Variants in ERC2 observed in about 807,000 individuals in gnomAD.
ERC2 encodes the protein ERC protein 2.
Under a neutral mutation model 114.8 loss-of-function variants are expected in ERC2, and 42 were observed. The observed-to-expected ratio is 0.37, with a 90% CI of 0.29 to 0.47. The LOEUF is 0.47. Ranked by LOEUF, ERC2 falls within the 20% of genes least tolerant of loss-of-function variation. The pLI, the probability that ERC2 is intolerant of heterozygous loss-of-function variation, is 0.99. For missense variants in ERC2, 939 were observed against 1,150.7 expected (o/e 0.82, Z 2.66); for synonymous variants, 454 against 425.5 (o/e 1.07, Z -0.82).
chr3:55,941,995 C>T lies in ERC2; in HGVS notation c.2403+8430G>A, dbSNP rs181280231. Reference sequence around the variant, plus strand: ...AACTAATTTTATATAATTTTAGATGCTCAATCTAATACCCAATGCTGAGGG... The same window carrying T: ...AACTAATTTTATATAATTTTAGATGTTCAATCTAATACCCAATGCTGAGGG... On this transcript the variant is annotated intron_variant, in intron 13 of 17. Transcript: ENST00000288221. Among the ~76,000 whole-genome samples, 773 of 152,260 alleles carry T rather than the reference C, an allele frequency of 5.1e-3. 5 individuals are homozygous for T. The highest frequency in any genetic ancestry group is 6.8e-3 in the Middle Eastern group (2 of 294).
At chr3:55,607,234 A>G (rs2058677501) in intron 17 of ERC2, among the ~76,000 whole-genome samples, 1 of 152,182 alleles carries the variant, frequency 6.6e-6, no homozygotes, top group South Asian at 2.1e-4. Flanking sequence ...GACAGCGGGT[A>G]AGGAAACCTA....
chr3:56,460,849 G>C (rs762233627), intron 1 of ERC2, among the ~76,000 whole-genome samples: 12 of 152,044 alleles, frequency 7.9e-5, no homozygotes, highest in Non-Finnish European at 1.6e-4. Flanking sequence ...GGCCTAGCGT[G>C]GTGGCTCACG....
chr3:56,285,110 C>T (rs1000590071), intron 3 of ERC2, among the ~76,000 whole-genome samples: 1 of 141,040 alleles, frequency 7.1e-6, no homozygotes, highest in Non-Finnish European at 1.5e-5. Context: ...CCCATCCCTA[C>T]CTCCCCCCAG....
intron 12 of ERC2, among the ~76,000 whole-genome samples, chr3:55,954,732 C>T (rs552968992): frequency 2.6e-5 from 4 of 152,096 alleles, no homozygotes; most frequent in Non-Finnish European, 4.4e-5. Context: ...GTATAATTAA[C>T]GAAAGTATTT....
At chr3:56,337,423 A>C (rs1411625735) in intron 2 of ERC2, among the ~76,000 whole-genome samples, 1 of 152,210 alleles carries the variant, frequency 6.6e-6, no homozygotes, top group African/African-American at 2.4e-5. Flanking sequence ...TGGGGTATGT[A>C]ACCGTAAGTA....
chr3:55,953,970 G>A lies in ERC2; in HGVS notation c.2268-3410C>T, dbSNP rs1030032006. Among the ~76,000 whole-genome samples, 15 of 151,108 alleles carry A rather than the reference G, an allele frequency of 9.9e-5. 1 individual carries two copies. The highest frequency in any genetic ancestry group is 8.4e-4 in the South Asian group (4 of 4,788). On this transcript the variant is annotated intron_variant, in intron 12 of 17. Coordinates refer to ENST00000288221, the MANE Select transcript of ERC2 (RefSeq NM_015576.3). ...AATCTAGAAGGTAAGGCCCCTGGTCGTGGAGACTGCAATGCCTTCTTACTA... is the reference window on the plus strand; with the variant it reads ...AATCTAGAAGGTAAGGCCCCTGGTCATGGAGACTGCAATGCCTTCTTACTA...
chr3:55,595,941 T>C (rs559361645), intron 17 of ERC2, among the ~76,000 whole-genome samples: 27 of 152,316 alleles, frequency 1.8e-4, no homozygotes, highest in Non-Finnish European at 3.2e-4. Flanking sequence ...CACTTTCATT[T>C]ACACCTCACC....
chr3:56,285,826 G>A (rs1284519509), intron 3 of ERC2, among the ~76,000 whole-genome samples: 1 of 152,170 alleles, frequency 6.6e-6, no homozygotes, highest in East Asian at 1.9e-4. Flanking sequence ...TAATTGTGTA[G>A]GGCTAAAAAG....
intron 7 of ERC2, among the ~76,000 whole-genome samples, chr3:56,071,768 T>C (rs1035412509): frequency 2.0e-5 from 3 of 152,172 alleles, no homozygotes; most frequent in South Asian, 2.1e-4. Flanking sequence ...AGAAAAGCAA[T>C]GTATACAAAG....
At chr3:56,340,537 A>AATGT (rs1437422621) in intron 2 of ERC2, among the ~76,000 whole-genome samples, 22 of 74,154 alleles carry the variant, frequency 3.0e-4, no homozygotes, top group African/African-American at 6.7e-4. Context: ...AGAGAGAGAG[A>AATGT]GTGAATGTGT....
At chr3:55,935,758 CCT>C (rs1167595883) in intron 13 of ERC2, among the ~76,000 whole-genome samples, 1 of 152,128 alleles carries the variant, frequency 6.6e-6, no homozygotes, top group African/African-American at 2.4e-5. Context: ...AATTAGGTTT[CCT>C]CTGGCCCCTT....
chr3:56,134,513 G>A (rs1279300728), intron 6 of ERC2, among the ~76,000 whole-genome samples: 1 of 152,136 alleles, frequency 6.6e-6, no homozygotes, highest in Admixed American at 6.5e-5. Flanking sequence ...TAAACTACCT[G>A]AAATTATATA....
At chr3:55,725,782 G>C (rs1194280874) in intron 15 of ERC2, among the ~76,000 whole-genome samples, 2 of 152,228 alleles carry the variant, frequency 1.3e-5, no homozygotes, top group African/African-American at 4.8e-5. Flanking sequence ...TTCTGATAGG[G>C]ATTTGAAAAA....
chr3:55,918,999 CA>C (rs2065262957), intron 13 of ERC2, among the ~76,000 whole-genome samples: 1 of 151,974 alleles, frequency 6.6e-6, no homozygotes, highest in African/African-American at 2.4e-5. Context: ...GAGAAATGCT[CA>C]AGAATGTCCA....
chr3:55,981,132 C>T (rs2070102165), intron 12 of ERC2, among the ~76,000 whole-genome samples: 1 of 152,194 alleles, frequency 6.6e-6, no homozygotes, highest in Admixed American at 6.5e-5. Flanking sequence ...GGGTTCAAAA[C>T]CATTTCTAAA....
At chr3:56,102,533 T>C (rs970156521) in intron 6 of ERC2, among the ~76,000 whole-genome samples, 3 of 152,104 alleles carry the variant, frequency 2.0e-5, no homozygotes, top group African/African-American at 7.2e-5. Flanking sequence ...AGTTCAGCAA[T>C]GAGGAATATA....
Position 55,661,997 on chromosome 3 carries a change from A to G in ERC2, c.*39+21797T>C, listed in dbSNP as rs143277491. ...GGTATTTAAGAATTTAAATATTGCA[A>G]AGCTAAGGTTTTTATATATGAAGCT... On this transcript the variant is annotated intron_variant, in intron 17 of 17. Transcript: ENST00000288221. 3.1e-3 allele frequency among the ~76,000 whole-genome samples: 468 copies of G among 152,244 alleles called. 1 individual carries two copies. Among genetic ancestry groups the G allele is most frequent in the African/African-American group, 0.011 (439 of 41,558 alleles).
At chr3:56,064,005 G>C (rs181169044) in intron 7 of ERC2, among the ~76,000 whole-genome samples, 2 of 152,166 alleles carry the variant, frequency 1.3e-5, no homozygotes, top group East Asian at 3.9e-4. Flanking sequence ...CTCCACTTGG[G>C]AATGCTTTCA....
At chr3:55,531,355 C>T (rs2053653966) in intron 17 of ERC2, among the ~76,000 whole-genome samples, 1 of 152,186 alleles carries the variant, frequency 6.6e-6, no homozygotes, top group Admixed American at 6.5e-5. Context: ...AGTTTCCCTT[C>T]TTGTAAAGCA....
Sources: allele counts gnomAD v4.1 joint callset (sites outside exome capture counted in the v4.1 genomes callset), GRCh38; gene constraint gnomAD v4.1.1; transcripts MANE v1.5; gene names NCBI Gene and HGNC (gene_info 2026-07-23, HGNC 2026-07-21).